FARP1: variants seen among roughly 807,000 people sequenced by gnomAD.
FARP1 encodes FERM, ARHGEF and pleckstrin domain-containing protein 1.
Under a neutral mutation model 128.8 loss-of-function variants are expected in FARP1, and 52 were observed. That is an observed-to-expected ratio of 0.40 (90% CI 0.32 to 0.51). FARP1 has a LOEUF of 0.51. Among genes scored for constraint, FARP1 ranks in the 20% least tolerant of loss-of-function variants. The pLI, the probability that FARP1 is intolerant of heterozygous loss-of-function variation, is 0.45. For synonymous variants in FARP1, 580 were observed against 551.8 expected, an observed-to-expected ratio of 1.05 and a Z score of -0.72; for missense variants, 1,333 against 1,367.9, an observed-to-expected ratio of 0.97 and a Z score of 0.40.
At chr13:98,235,679 G>T (rs779414291) in intron 2 of FARP1, among the ~76,000 whole-genome samples, 12 of 152,128 alleles carry the variant, frequency 7.9e-5, no homozygotes, top group Non-Finnish European at 1.3e-4. Flanking sequence ...GAGCTCCAGA[G>T]CTCTTTCCTT....
rs192709154 is a variant in FARP1, at chr13:98,250,895, A to T, written c.171+37482A>T. On this transcript the variant is annotated intron_variant, in intron 2 of 26. Transcript: ENST00000319562. ...CATGTGTGTAATTCTAAACCACTGC[A>T]TGATTTGGTTTGTAAATTACTGGTT... Among the ~76,000 whole-genome samples the T allele has an allele frequency of 2.0e-5, 3 of 152,196 alleles. No homozygotes were observed. The East Asian group carries it at 5.8e-4, about 29-fold the overall frequency.
intron 2 of FARP1, 142 bp downstream of exon 2, chr13:98,213,555 T>C (rs1880866511): frequency 1.2e-6 from 1 of 818,290 alleles, no homozygotes; most frequent in Non-Finnish European, 1.9e-6. Context: ...CGCCCCCCAA[T>C]GGCCCCGCTG....
intron 1 of FARP1, among the ~76,000 whole-genome samples, chr13:98,195,425 G>C (rs574624746): frequency 6.6e-6 from 1 of 152,168 alleles, no homozygotes; most frequent in Non-Finnish European, 1.5e-5. Flanking sequence ...TGTCTACTGC[G>C]TGTGTGTCTC....
At chr13:98,213,491 A>C in intron 2 of FARP1, 78 bp downstream of exon 2, 3 of 1,446,914 alleles carry the variant, frequency 2.1e-6, no homozygotes, top group Non-Finnish European at 2.8e-6. Flanking sequence ...GCTCATTCCC[A>C]TGGCCAGTGA....
intron 1 of FARP1, chr13:98,177,287 C>G: frequency 1.4e-6 from 2 of 1,450,028 alleles, no homozygotes; most frequent in South Asian, 2.8e-5. Flanking sequence ...CCTTGCGTCG[C>G]CCTTGCGTCG....
chr13:98,151,130 A>G (rs533704871), intron 1 of FARP1, among the ~76,000 whole-genome samples: 1 of 152,030 alleles, frequency 6.6e-6, no homozygotes, highest in South Asian at 2.1e-4. Context: ...CTTCATTATG[A>G]GAAGGTGAGT....
At position 98,450,176 on chromosome 13, in the gene FARP1, CAT is replaced by C. The variant is rs1380921683; in HGVS notation, c.*1860_*1861del. On this transcript the variant is annotated 3_prime_UTR_variant, in exon 27 of 27. Coordinates refer to ENST00000319562, the MANE Select transcript of FARP1 (RefSeq NM_005766.4). ...TGAGTGGAGTTTGAGACACACTACACATGAGACACACAATGATGCAGATACTC... is the reference window on the plus strand; with the variant it reads ...TGAGTGGAGTTTGAGACACACTACACGAGACACACAATGATGCAGATACTC... 8 of 152,180 alleles carry C rather than the reference CAT, an allele frequency of 5.3e-5. No individual in the cohort carries two copies. Among genetic ancestry groups the C allele is most frequent in the Admixed American group, 1.3e-4 (2 of 15,280 alleles). The allele number at this position is 152,180 out of a possible 1,614,324, so 9.4% of individuals were successfully genotyped here.
chr13:98,287,208 CTTTTTTTTTTTTTTTTTTTTTTTTTTTTT>C (rs71111939), intron 2 of FARP1, among the ~76,000 whole-genome samples: 50 of 75,846 alleles, frequency 6.6e-4, no homozygotes, highest in African/African-American at 3.1e-3. Context: ...TCAGACATGT[CTTTTTTTTTTTTTTTTTTTTTTTTTTTTT>C]TTTTTTTTTT....
intron 2 of FARP1, among the ~76,000 whole-genome samples, chr13:98,243,437 T>C (rs1484340764): frequency 2.0e-5 from 3 of 152,030 alleles, no homozygotes; most frequent in Admixed American, 2.0e-4. Context: ...GGCTCACGCC[T>C]GTAATCCCAG....
chr13:98,393,178 C>T (rs181618783), intron 11 of FARP1, among the ~76,000 whole-genome samples: 1 of 152,320 alleles, frequency 6.6e-6, no homozygotes, highest in African/African-American at 2.4e-5. Flanking sequence ...TCTGAACTTA[C>T]CGCTTTGATA....
Position 98,267,859 on chromosome 13 carries a change from G to C in FARP1, c.171+54446G>C, listed in dbSNP as rs1034187448. Among the ~76,000 whole-genome samples the C allele has an allele frequency of 1.3e-5, 2 of 152,146 alleles. 1 individual carries two copies. The highest frequency in any genetic ancestry group is 4.8e-5 in the African/African-American group (2 of 41,428). ...TAACCTGCAGTACACCTCATATCCT[G>C]TTTCAAAATGAAATTGGAAGGTGGG... On this transcript the variant is annotated intron_variant, in intron 2 of 26. Transcript: ENST00000319562.
At chr13:98,430,157 CAGG>C (rs1891955647) in intron 17 of FARP1, among the ~76,000 whole-genome samples, 1 of 152,040 alleles carries the variant, frequency 6.6e-6, no homozygotes, top group South Asian at 2.1e-4. Context: ...GAGGCTGAGG[CAGG>C]AGGATCCCTT....
At chr13:98,228,029 C>T (rs1270865412) in intron 2 of FARP1, among the ~76,000 whole-genome samples, 9 of 152,120 alleles carry the variant, frequency 5.9e-5, no homozygotes, top group East Asian at 3.9e-4. Flanking sequence ...CACAACAATG[C>T]GAATATACCT....
intron 1 of FARP1, among the ~76,000 whole-genome samples, chr13:98,178,189 ATTTTTTTTTTTTTT>A (rs57310501): frequency 1.8e-5 from 2 of 112,990 alleles, no homozygotes; most frequent in Admixed American, 1.9e-4. Context: ...ATCATTTTTA[ATTTTTTTTTTTTTT>A]TTTTTTTTTT....
At chr13:98,213,139 T>G in intron 1 of FARP1, 81 bp from the exon 2 acceptor site, 1 of 1,157,046 alleles carries the variant, frequency 8.6e-7, no homozygotes, top group Non-Finnish European at 1.2e-6. Context: ...CCTGCCCACC[T>G]GGGTGGGGTT....
rs1381684126 is a variant in FARP1, at chr13:98,181,635, TATTTATTTGAGA to T, written c.-23-31584_-23-31573del. ...TTATTTATTTATTTATTTATTTATT[TATTTATTTGAGA>T]GAGAGAGAGAGAGAGTCTCACTGTT... On this transcript the variant is annotated intron_variant, in intron 1 of 26. Coordinates refer to ENST00000319562, the MANE Select transcript of FARP1 (RefSeq NM_005766.4). 1.5e-3 allele frequency among the ~76,000 whole-genome samples: 185 copies of T among 123,034 alleles called. 1 individual carries two copies. The highest frequency in any genetic ancestry group is 7.4e-3 in the South Asian group (27 of 3,642). 80.7% of individuals were successfully genotyped at this position (123,034 alleles called of 152,430 possible).
chr13:98,256,988 T>TAC (rs1297233977), intron 2 of FARP1, among the ~76,000 whole-genome samples: 4 of 120,406 alleles, frequency 3.3e-5, no homozygotes, highest in African/African-American at 9.5e-5. Context: ...TATATATATA[T>TAC]ATACCGAAAG....
intron 2 of FARP1, among the ~76,000 whole-genome samples, chr13:98,331,177 T>A (rs191961442): frequency 6.6e-6 from 1 of 152,368 alleles, no homozygotes; most frequent in African/African-American, 2.4e-5. Context: ...ATGTGCTTAG[T>A]AATTCATAAT....
rs561869414 is a variant in FARP1, at chr13:98,394,967, G to C, written c.1165-260G>C. Among the ~76,000 whole-genome samples, 203 of 152,222 alleles carry C rather than the reference G, an allele frequency of 1.3e-3. 2 individuals carry two copies. The highest frequency in any genetic ancestry group is 2.3e-3 in the African/African-American group (95 of 41,542). ...AGCAAAGCAAACCCCAGCATGAGTC[G>C]GCGGGTCCTGGAAAGCAGAGACCGG... On this transcript the variant is annotated intron_variant, in intron 12 of 26. Coordinates refer to ENST00000319562, the MANE Select transcript of FARP1 (RefSeq NM_005766.4).
Sources: gnomAD v4.1 joint callset for allele counts (sites outside exome capture counted in the v4.1 genomes callset) on GRCh38, gnomAD v4.1.1 for gene constraint, MANE v1.5 for transcripts, NCBI Gene and HGNC (gene_info 2026-07-23, HGNC 2026-07-21) for gene names.